Variants in CADM2 observed in about 807,000 individuals in gnomAD.
CADM2 encodes cell adhesion molecule 2, also known as immunoglobulin superfamily member 4D.
CADM2 carries 12 observed loss-of-function variants against 49.8 expected under a neutral mutation model. That is an observed-to-expected ratio of 0.24 (90% CI 0.15 to 0.39). The LOEUF is 0.39. CADM2 is among the 10% of genes least tolerant of loss of function. The probability of loss-of-function intolerance (pLI) is 1.00; values close to 1 mark genes in which losing one functional copy is unlikely to be tolerated. For synonymous variants in CADM2, 214 were observed against 175.4 expected, an observed-to-expected ratio of 1.22 and a Z score of -1.74; for missense variants, 378 against 492.3, an observed-to-expected ratio of 0.77 and a Z score of 2.20.
At chr3:85,962,984 T>G (rs370813170) in intron 8 of CADM2, among the ~76,000 whole-genome samples, 1 of 151,856 alleles carries the variant, frequency 6.6e-6, no homozygotes, top group Non-Finnish European at 1.5e-5. Context: ...AATTTGGGGG[T>G]CTAGTATATT....
intron 2 of CADM2, among the ~76,000 whole-genome samples, chr3:85,729,332 T>G (rs1225705572): frequency 6.6e-6 from 1 of 152,212 alleles, no homozygotes; most frequent in Non-Finnish European, 1.5e-5. Context: ...ACACTGCCTT[T>G]GAGAGATAAA....
intron 1 of CADM2, among the ~76,000 whole-genome samples, chr3:85,112,864 T>A (rs1467449523): frequency 6.6e-6 from 1 of 151,796 alleles, no homozygotes; most frequent in Non-Finnish European, 1.5e-5. Flanking sequence ...GTAATAAGAT[T>A]AAACAGCTCA....
intron 2 of CADM2, among the ~76,000 whole-genome samples, chr3:85,748,974 GT>G (rs2068746908): frequency 6.6e-6 from 1 of 152,024 alleles, no homozygotes; most frequent in Non-Finnish European, 1.5e-5. Flanking sequence ...GATATCAACA[GT>G]GTCTTTAGAT....
At chr3:85,212,812 C>CTATTTCTTTCTTTCTT (rs1275410284) in intron 1 of CADM2, among the ~76,000 whole-genome samples, 9 of 102,540 alleles carry the variant, frequency 8.8e-5, no homozygotes, top group African/African-American at 2.6e-4. Flanking sequence ...TCTTTTTCTT[C>CTATTTCTTTCTTTCTT]TCTTTCTTTC....
intron 1 of CADM2, among the ~76,000 whole-genome samples, chr3:85,541,789 A>ATATATATATATATATATATATATATATG (rs1559897779): frequency 2.1e-5 from 3 of 141,484 alleles, no homozygotes; most frequent in African/African-American, 7.9e-5. Flanking sequence ...ATATATATAT[A>ATATATATATATATATATATATATATATG]TATATGTATA....
Position 84,959,751 on chromosome 3 carries a change from C to T in CADM2, c.61+83C>T, listed in dbSNP as rs188793379. The T allele has an allele frequency of 5.4e-4, 695 of 1,288,602 alleles. 4 individuals carry two copies. In the African/African-American group the frequency reaches 9.2e-3, roughly 17 times the overall value. 79.8% of individuals were successfully genotyped at this position (1,288,602 alleles called of 1,614,324 possible). A position where few individuals can be genotyped will look rare whatever the true frequency, so the allele number is the denominator to read the frequency against. ...ATTCCACCCCATATTTCCACTCTCC[C>T]CTCCCAGTCTCCCTGTCCCCAGCGA... is the stretch of plus-strand genomic sequence containing the variant. On this transcript the variant is annotated intron_variant, in intron 1 of 9. Transcript: ENST00000383699.
Position 85,479,258 on chromosome 3 carries a change from G to A in CADM2, c.62-247264G>A, listed in dbSNP as rs573528003. Among the ~76,000 whole-genome samples the A allele has an allele frequency of 5.3e-5, 8 of 151,956 alleles. No individual in the cohort carries two copies. The East Asian group carries it at 1.6e-3, about 29-fold the overall frequency. ...CTTTTACAATAGATATAATACTCAT[G>A]GAGTATGAAAATATAACTACTTGTT... On this transcript the variant is annotated intron_variant, in intron 1 of 9. Coordinates refer to ENST00000383699, the MANE Select transcript of CADM2 (RefSeq NM_001167675.2).
Position 85,372,595 on chromosome 3 carries a change from C to T in CADM2, c.62-353927C>T, listed in dbSNP as rs189538481. Among the ~76,000 whole-genome samples the T allele has an allele frequency of 3.5e-3, 538 of 152,064 alleles. 5 individuals carry two copies. The highest frequency in any genetic ancestry group is 0.012 in the African/African-American group (517 of 41,444). ...GACTGTGTTATACCCCTCTGGCCCA[C>T]ATTTATGATGTTCAGATATTTTGGG... On this transcript the variant is annotated intron_variant, in intron 1 of 9. Coordinates refer to ENST00000383699, the MANE Select transcript of CADM2 (RefSeq NM_001167675.2).
At chr3:85,193,885 A>G (rs1315490498) in intron 1 of CADM2, among the ~76,000 whole-genome samples, 1 of 152,146 alleles carries the variant, frequency 6.6e-6, no homozygotes, top group African/African-American at 2.4e-5. Flanking sequence ...GGAGGGCTCA[A>G]GGAGAGCCAA....
intron 1 of CADM2, among the ~76,000 whole-genome samples, chr3:85,123,138 GC>G (rs2038921500): frequency 6.6e-6 from 1 of 151,738 alleles, no homozygotes; most frequent in Admixed American, 6.6e-5. Context: ...TTCCTCCCAT[GC>G]TTTTTTCTTT....
chr3:85,205,745 A>T (rs2041616364), intron 1 of CADM2, among the ~76,000 whole-genome samples: 2 of 152,150 alleles, frequency 1.3e-5, no homozygotes, highest in Admixed American at 6.5e-5. Flanking sequence ...CACCAGAAAA[A>T]AAAAGATGTG....
chr3:85,498,057 T>C (rs1012515593), intron 1 of CADM2, among the ~76,000 whole-genome samples: 5 of 152,064 alleles, frequency 3.3e-5, no homozygotes, highest in Non-Finnish European at 5.9e-5. Context: ...GGCAAAAAAT[T>C]TGGGGCCCAG....
chr3:85,597,721 T>G (rs959601307), intron 1 of CADM2, among the ~76,000 whole-genome samples: 15 of 152,036 alleles, frequency 9.9e-5, no homozygotes, highest in African/African-American at 3.6e-4. Flanking sequence ...CTGAAGCTAT[T>G]GGAAAGTCTT....
intron 1 of CADM2, among the ~76,000 whole-genome samples, chr3:85,631,821 T>G (rs1274739346): frequency 6.6e-6 from 1 of 152,110 alleles, no homozygotes; most frequent in Non-Finnish European, 1.5e-5. Flanking sequence ...AAGTATATAC[T>G]TTTGCCAAAT....
At position 85,028,951 on chromosome 3, in the gene CADM2, A is replaced by ATTTTGG. The variant is rs1382699991; in HGVS notation, c.61+69284_61+69285insTTTGGT. Reference sequence around the variant, plus strand: ...TTTATTCACATACTGTTTTACCGAAATAAAACAGTATGTGAATAAATTGGA... The same window carrying ATTTTGG: ...TTTATTCACATACTGTTTTACCGAAATTTTGGTAAAACAGTATGTGAATAAATTGGA... On this transcript the variant is annotated intron_variant, in intron 1 of 9. Coordinates refer to ENST00000383699, the MANE Select transcript of CADM2 (RefSeq NM_001167675.2). Among the ~76,000 whole-genome samples the ATTTTGG allele has an allele frequency of 0.029, 401 of 13,774 alleles. 1 individual carries two copies. In the African/African-American group the frequency reaches 0.36, roughly 12 times the overall value. 9.0% of individuals were successfully genotyped at this position (13,774 alleles called of 152,430 possible).
In CADM2 at chr3:85,858,498, C is replaced by A. The variant is rs996636494; in HGVS notation, c.239-24793C>A. Among the ~76,000 whole-genome samples the A allele has an allele frequency of 2.6e-5, 4 of 152,060 alleles. No homozygotes were observed. The East Asian group carries it at 7.7e-4, about 29-fold the overall frequency. On this transcript the variant is annotated intron_variant, in intron 3 of 9. Transcript: ENST00000383699. ...TATATAAAGCAGTTTCTTTCGAGCCCATAACAGGAAAAAAGAAAATGAGAA... is the reference window on the plus strand; with the variant it reads ...TATATAAAGCAGTTTCTTTCGAGCCAATAACAGGAAAAAAGAAAATGAGAA...
At chr3:86,014,614 T>A in intron 8 of CADM2, 1 of 1,598,236 alleles carries the variant, frequency 6.3e-7, no homozygotes, top group South Asian at 1.1e-5. Context: ...CTTAAAGATA[T>A]ATTCTTAGAA....
rs184009677 is a variant in CADM2, at chr3:85,650,273, G to A, written c.62-76249G>A. On this transcript the variant is annotated intron_variant, in intron 1 of 9. Coordinates refer to ENST00000383699, the MANE Select transcript of CADM2 (RefSeq NM_001167675.2). Reference sequence around the variant, plus strand: ...CACTACTGGGGAAGTAAGGAGAAGCGCTTTTGTGACAAATGTTGTGAGTAG... The same window carrying A: ...CACTACTGGGGAAGTAAGGAGAAGCACTTTTGTGACAAATGTTGTGAGTAG... Among the ~76,000 whole-genome samples the A allele has an allele frequency of 5.3e-5, 8 of 152,232 alleles. No homozygotes were observed. The East Asian group carries it at 1.4e-3, about 26-fold the overall frequency.
intron 1 of CADM2, among the ~76,000 whole-genome samples, chr3:85,336,993 T>A (rs62253080): frequency 2.6e-5 from 3 of 115,040 alleles, no homozygotes; most frequent in Non-Finnish European, 3.8e-5. Context: ...TATATATATT[T>A]AATATATATT....
Sources: gnomAD v4.1 joint callset for allele counts (sites outside exome capture counted in the v4.1 genomes callset) on GRCh38, gnomAD v4.1.1 for gene constraint, MANE v1.5 for transcripts, NCBI Gene and HGNC (gene_info 2026-07-23, HGNC 2026-07-21) for gene names.